Variants in LMX1B observed in about 807,000 individuals in gnomAD.
LMX1B encodes LIM homeobox transcription factor 1 beta.
LMX1B carries 12 observed loss-of-function variants against 51.4 expected under a neutral mutation model. The observed-to-expected ratio is 0.23, with a 90% confidence interval of 0.15 to 0.38. The LOEUF (loss-of-function observed/expected upper bound fraction) is 0.38. Among genes scored for constraint, LMX1B ranks in the 10% least tolerant of loss-of-function variants. LMX1B has a pLI of 1.00. For missense variants in LMX1B, 445 were observed against 571.1 expected, an observed-to-expected ratio of 0.78 and a Z score of 2.25; for synonymous variants, 237 against 235.4, an observed-to-expected ratio of 1.01 and a Z score of -0.06.
chr9:126,663,782 C>T (rs1051086339), intron 2 of LMX1B, among the ~76,000 whole-genome samples: 3 of 152,256 alleles, frequency 2.0e-5, no homozygotes, highest in African/African-American at 7.2e-5. Context: ...TTTCCCAAGA[C>T]GATGTGCTTG....
intron 2 of LMX1B, among the ~76,000 whole-genome samples, chr9:126,645,109 T>A (rs1411797398): frequency 2.0e-5 from 3 of 152,022 alleles, no homozygotes; most frequent in Non-Finnish European, 4.4e-5. Flanking sequence ...TCTGGCTGGG[T>A]TCCCCCCCTA....
rs1483337374 is a variant in LMX1B, at chr9:126,677,298, G to A, written c.327-13538G>A. Among the ~76,000 whole-genome samples the A allele has an allele frequency of 6.6e-6, 1 of 152,076 alleles. No individual in the cohort carries two copies. Among genetic ancestry groups the A allele is most frequent in the Non-Finnish European group, 1.5e-5 (1 of 68,010 alleles). On this transcript the variant is annotated intron_variant, in intron 2 of 7. Transcript: ENST00000373474. This position sits in a 1 kb window ranked among gnomAD's most constrained non-coding sequence, Gnocchi z 5.0. ...TTCCTGCTCCTGCCCCCTCCTCTCC[G>A]AGCTCCCCTGGGCTCAGCATGGAGT...
intron 2 of LMX1B, among the ~76,000 whole-genome samples, chr9:126,685,839 C>A (rs936904485): frequency 6.6e-6 from 1 of 152,088 alleles, no homozygotes; most frequent in African/African-American, 2.4e-5. Context: ...TCATCATCCC[C>A]ATTGGACAGA....
At chr9:126,624,669 T>G (rs1233881466) in intron 2 of LMX1B, among the ~76,000 whole-genome samples, 2 of 149,444 alleles carry the variant, frequency 1.3e-5, no homozygotes, top group East Asian at 1.9e-4. Flanking sequence ...TTATCTTGTT[T>G]TTTTTTTTTT....
chr9:126,695,574 C>G lies in LMX1B; in HGVS notation c.887-265C>G, dbSNP rs2030295009. Among the ~76,000 whole-genome samples, 1 of 152,176 alleles carries G rather than the reference C, an allele frequency of 6.6e-6. No individual in the cohort carries two copies. The highest frequency in any genetic ancestry group is 1.5e-5 in the Non-Finnish European group (1 of 68,032). On this transcript the variant is annotated intron_variant, in intron 6 of 7. Transcript: ENST00000373474. This position sits in a 1 kb window ranked among gnomAD's most constrained non-coding sequence, Gnocchi z 5.2. ...AGAATCACTATTGCCTGTGTGGGGT[C>G]TGCCGCCTCCCTGGATCCCCTGGAG...
chr9:126,659,306 C>T (rs935572717), intron 2 of LMX1B, among the ~76,000 whole-genome samples: 1 of 152,242 alleles, frequency 6.6e-6, no homozygotes, highest in Non-Finnish European at 1.5e-5. Context: ...AGGGGCACTG[C>T]TGACCCTCTC....
In LMX1B at chr9:126,691,756, C is replaced by A. The variant is rs557527590; in HGVS notation, c.559+688C>A. Among the ~76,000 whole-genome samples the A allele has an allele frequency of 2.0e-5, 3 of 152,316 alleles. No homozygotes were observed. The South Asian group carries it at 6.2e-4, about 32-fold the overall frequency. On this transcript the variant is annotated intron_variant, in intron 3 of 7. Coordinates refer to ENST00000373474, the MANE Select transcript of LMX1B (RefSeq NM_001174147.2). ...CCTTCCCCTTCTCAGCCCCCTGGAG[C>A]CTTCAGCAGTGAGAAGCAAACAGCC... is the stretch of plus-strand genomic sequence containing the variant.
rs1001096030 is a variant in LMX1B, at chr9:126,641,727, C to G, written c.326+26158C>G. ...TCAAGGGGACTCTCTTCTCCCTCCTCCTGGGGGATTCCAGTCTCACCATCT... is the reference window on the plus strand; with the variant it reads ...TCAAGGGGACTCTCTTCTCCCTCCTGCTGGGGGATTCCAGTCTCACCATCT... On this transcript the variant is annotated intron_variant, in intron 2 of 7. Transcript: ENST00000373474. The surrounding 1 kb of genome is among the most constrained non-coding windows in gnomAD (Gnocchi z 4.1). 1.3e-5 allele frequency among the ~76,000 whole-genome samples: 2 copies of G among 152,190 alleles called. No individual in the cohort carries two copies. Among genetic ancestry groups the G allele is most frequent in the African/African-American group, 2.4e-5 (1 of 41,430 alleles).
In LMX1B at chr9:126,700,691, G is replaced by A. The variant is rs1470487574; in HGVS notation, c.*4240G>A. ...AGCAGGAAAGACCCCTCCAACATTT[G>A]GCCCTTGGAAGGCACCATTGCCAAT... is the stretch of plus-strand genomic sequence containing the variant. On this transcript the variant is annotated 3_prime_UTR_variant, in exon 8 of 8. Coordinates refer to ENST00000373474, the MANE Select transcript of LMX1B (RefSeq NM_001174147.2). 1.3e-5 allele frequency: 2 copies of A among 152,174 alleles called. No homozygotes were observed. Among genetic ancestry groups the A allele is most frequent in the Non-Finnish European group, 2.9e-5 (2 of 68,042 alleles). 9.4% of individuals were successfully genotyped at this position (152,174 alleles called of 1,614,324 possible). A position where few individuals can be genotyped will look rare whatever the true frequency, so the allele number is the denominator to read the frequency against.
At chr9:126,674,134 G>A (rs972337011) in intron 2 of LMX1B, among the ~76,000 whole-genome samples, 9 of 152,112 alleles carry the variant, frequency 5.9e-5, no homozygotes, top group African/African-American at 2.2e-4. Context: ...CAGGGACAGA[G>A]TGAGGAGGGC....
chr9:126,620,636 G>C (rs936742938), intron 2 of LMX1B, among the ~76,000 whole-genome samples: 2 of 151,536 alleles, frequency 1.3e-5, no homozygotes, highest in African/African-American at 4.9e-5. Context: ...TTTCTCCCTG[G>C]GGGCAGACGG....
chr9:126,687,563 G>A (rs557628665), intron 2 of LMX1B, among the ~76,000 whole-genome samples: 2 of 152,218 alleles, frequency 1.3e-5, no homozygotes, highest in South Asian at 2.1e-4. Flanking sequence ...AGAATTTGAG[G>A]TTCAGAGAGG....
At chr9:126,693,013 C>A in intron 3 of LMX1B, 129 bp from the exon 4 acceptor site, 1 of 982,418 alleles carries the variant, frequency 1.0e-6, no homozygotes, top group Non-Finnish European at 1.5e-6. Context: ...TCCTGGGCCA[C>A]TGGGGAGCCA....
At chr9:126,681,746 C>G (rs986746572) in intron 2 of LMX1B, among the ~76,000 whole-genome samples, 1 of 151,992 alleles carries the variant, frequency 6.6e-6, no homozygotes, top group Non-Finnish European at 1.5e-5. Context: ...ACTGAAAATA[C>G]AAAAATTAGC....
intron 2 of LMX1B, among the ~76,000 whole-genome samples, chr9:126,639,923 G>A (rs193140666): frequency 6.6e-6 from 1 of 152,242 alleles, no homozygotes; most frequent in African/African-American, 2.4e-5. Context: ...ACCTCAATGT[G>A]TTTGATATTT....
intron 2 of LMX1B, among the ~76,000 whole-genome samples, chr9:126,659,023 G>T (rs1308505223): frequency 6.6e-6 from 1 of 152,218 alleles, no homozygotes; most frequent in Non-Finnish European, 1.5e-5. Context: ...TGGGGCTGGG[G>T]TCTGCCGAGG....
chr9:126,622,556 C>T (rs1235917064), intron 2 of LMX1B, among the ~76,000 whole-genome samples: 4 of 152,242 alleles, frequency 2.6e-5, no homozygotes, highest in Admixed American at 6.5e-5. Context: ...GGAGGAGCAG[C>T]ACTGGGTTGG....
intron 2 of LMX1B, among the ~76,000 whole-genome samples, chr9:126,678,178 C>T (rs183257232): frequency 1.2e-3 from 181 of 152,168 alleles, no homozygotes; most frequent in African/African-American, 4.2e-3. Flanking sequence ...TGGGTGGTGG[C>T]CCGCGCCTGT....
At chr9:126,692,652 C>T (rs1013846621) in intron 3 of LMX1B, among the ~76,000 whole-genome samples, 3 of 152,228 alleles carry the variant, frequency 2.0e-5, no homozygotes, top group Admixed American at 6.5e-5. Context: ...TGCGTGCATA[C>T]GCTGTGGTCA....
Sources: gnomAD v4.1 joint callset for allele counts (sites outside exome capture counted in the v4.1 genomes callset) on GRCh38, gnomAD v4.1.1 for gene constraint, Gnocchi (gnomAD v3.1) non-coding constraint, MANE v1.5 for transcripts, NCBI Gene and HGNC (gene_info 2026-07-23, HGNC 2026-07-21) for gene names.